COQ8B: variants seen among roughly 807,000 people sequenced by gnomAD.
COQ8B encodes the protein atypical kinase COQ8B, mitochondrial.
In COQ8B, 44 loss-of-function variants were observed where a neutral mutation model predicts 62.0. That is an observed-to-expected ratio of 0.71 (90% CI 0.56 to 0.91). The LOEUF is 0.91. COQ8B is among the 40% of genes least tolerant of loss of function. The pLI is 0.00. For missense variants in COQ8B, 649 were observed against 731.6 expected, an observed-to-expected ratio of 0.89 and a Z score of 1.30; for synonymous variants, 252 against 289.9, an observed-to-expected ratio of 0.87 and a Z score of 1.33.
chr19:40,703,985 T>C, intron 7 of COQ8B, 130 bp from the exon 8 acceptor site: 2 of 1,220,554 alleles, frequency 1.6e-6, no homozygotes, highest in Non-Finnish European at 2.2e-6. Flanking sequence ...TGCCACCCCC[T>C]TTGCAGATGA....
intron 13 of COQ8B, 24 bp from the exon 14 acceptor site, chr19:40,693,061 A>G (rs572512242): frequency 1.2e-6 from 2 of 1,606,684 alleles, no homozygotes; most frequent in African/African-American, 1.3e-5. Context: ...TGGGAGTTAG[A>G]GGGACAAAGG....
At position 40,697,851 on chromosome 19, in the gene COQ8B, T is replaced by TAGAG. The variant is rs1290386996; in HGVS notation, c.1144-1801_1144-1798dup. Among the ~76,000 whole-genome samples the TAGAG allele has an allele frequency of 3.8e-3, 210 of 54,702 alleles. 4 individuals carry two copies. Among genetic ancestry groups the TAGAG allele is most frequent in the Non-Finnish European group, 4.8e-3 (153 of 31,820 alleles). 35.9% of individuals were successfully genotyped at this position (54,702 alleles called of 152,430 possible). A position where few individuals can be genotyped will look rare whatever the true frequency, so the allele number is the denominator to read the frequency against. ...ATATATATATATATATATATATATA[T>TAGAG]AGAGAGAGAGAGAGAGAGAGAGAGA... On this transcript the variant is annotated intron_variant, in intron 12 of 14. Coordinates refer to ENST00000324464, the MANE Select transcript of COQ8B (RefSeq NM_024876.4).
At chr19:40,708,427 G>A (rs186890225) in intron 5 of COQ8B, among the ~76,000 whole-genome samples, 1 of 152,292 alleles carries the variant, frequency 6.6e-6, no homozygotes, top group Admixed American at 6.5e-5. Flanking sequence ...AAGTGTCTTT[G>A]TGGATTCTCT....
rs373855670 is a variant in COQ8B, at chr19:40,708,698, A to AGGGAGGATCACTTGAGGCT, written c.367+1342_367+1360dup. Among the ~76,000 whole-genome samples the AGGGAGGATCACTTGAGGCT allele has an allele frequency of 1.7e-3, 261 of 152,116 alleles. 1 individual carries two copies. The highest frequency in any genetic ancestry group is 5.9e-3 in the African/African-American group (243 of 41,512). Reference sequence around the variant, plus strand: ...ATCCCAGCACTTTGGGAGGCTGAGCAGGGAGGATCACTTGAGGCTAGGAGT... The same window carrying AGGGAGGATCACTTGAGGCT: ...ATCCCAGCACTTTGGGAGGCTGAGCAGGGAGGATCACTTGAGGCTGGGAGGATCACTTGAGGCTAGGAGT... On this transcript the variant is annotated intron_variant, in intron 5 of 14. Coordinates refer to ENST00000324464, the MANE Select transcript of COQ8B (RefSeq NM_024876.4).
rs546717955 is a variant in COQ8B at position 40,715,629 on chromosome 19, G to A, written c.-4+958C>T. The A allele has an allele frequency of 3.9e-5, 38 of 984,092 alleles. No individual in the cohort carries two copies. In the East Asian group the frequency reaches 3.5e-3, roughly 92 times the overall value. 61.0% of individuals were successfully genotyped at this position (984,092 alleles called of 1,614,324 possible). A position where few individuals can be genotyped will look rare whatever the true frequency, so the allele number is the denominator to read the frequency against. On this transcript the variant is annotated intron_variant, in intron 1 of 14. Coordinates refer to ENST00000324464, the MANE Select transcript of COQ8B (RefSeq NM_024876.4). ...TCCCGCTCACGCCTTCAACTCTCTCGTGTACATACCCTCCCCCCCACTTGC... is the reference window on the plus strand; with the variant it reads ...TCCCGCTCACGCCTTCAACTCTCTCATGTACATACCCTCCCCCCCACTTGC...
chr19:40,703,512 G>C, intron 9 of COQ8B, 29 bp downstream of exon 9: 1 of 1,577,074 alleles, frequency 6.3e-7, no homozygotes, highest in Non-Finnish European at 8.6e-7. Flanking sequence ...CCTTTGGGAG[G>C]TCAGCAGAGG....
rs928659607 is a variant in COQ8B, at chr19:40,702,355, A to G, written c.893+245T>C. 4.6e-5 allele frequency among the ~76,000 whole-genome samples: 7 copies of G among 152,284 alleles called. No homozygotes were observed. In the South Asian group the frequency reaches 1.5e-3, roughly 32 times the overall value. ...TAATTAAGTGCCTGTGTCGGACCAC[A>G]GTGGATATGCGGCCCATCTGACACA... On this transcript the variant is annotated intron_variant, in intron 10 of 14. Transcript: ENST00000324464.
chr19:40,692,714 C>T (rs904106655), intron 14 of COQ8B, among the ~76,000 whole-genome samples: 1 of 151,986 alleles, frequency 6.6e-6, no homozygotes, highest in African/African-American at 2.4e-5. Context: ...CCACCTCCCC[C>T]CACTCCTCCC....
At chr19:40,713,521 C>A (rs34633896) in intron 4 of COQ8B, among the ~76,000 whole-genome samples, 17,699 of 149,720 alleles carry the variant, frequency 0.12, 1,707 homozygotes, top group African/African-American at 0.27. Flanking sequence ...TGCACTCCAG[C>A]CTGGGTGACA....
intron 5 of COQ8B, among the ~76,000 whole-genome samples, chr19:40,709,817 G>A (rs1191198476): frequency 6.6e-6 from 1 of 152,002 alleles, no homozygotes; most frequent in African/African-American, 2.4e-5. Flanking sequence ...ACTCCAGCCT[G>A]AGCGACAGAG....
chr19:40,694,559 G>A (rs2081999028), intron 13 of COQ8B, among the ~76,000 whole-genome samples: 1 of 152,126 alleles, frequency 6.6e-6, no homozygotes, highest in African/African-American at 2.4e-5. Flanking sequence ...TCCCCATACG[G>A]GTAGCCCTGG....
Position 40,714,046 on chromosome 19 carries a change from AT to A in COQ8B, c.289+20del. The A allele has an allele frequency of 1.2e-6, 2 of 1,613,856 alleles. No individual in the cohort carries two copies. Among genetic ancestry groups the A allele is most frequent in the Non-Finnish European group, 1.7e-6 (2 of 1,179,842 alleles). On this transcript the variant is annotated intron_variant, in intron 4 of 14. Transcript: ENST00000324464. ...CCTTTCTAATTGAGGTCACACCAAG[AT>A]CCCCCAAAGTCACACCTACCCCCAA...
At chr19:40,694,634 G>A (rs2081999840) in intron 13 of COQ8B, among the ~76,000 whole-genome samples, 2 of 152,194 alleles carry the variant, frequency 1.3e-5, no homozygotes, top group South Asian at 4.1e-4. Context: ...ATCTGCACTT[G>A]CACAGGATCA....
At chr19:40,714,785 C>T (rs2144720943) in intron 1 of COQ8B, 150 bp from the exon 2 acceptor site, 1 of 1,324,344 alleles carries the variant, frequency 7.6e-7, no homozygotes, top group Non-Finnish European at 9.9e-7. Flanking sequence ...CCTGGTTCTC[C>T]CCTGGTTGCT....
intron 12 of COQ8B, among the ~76,000 whole-genome samples, chr19:40,697,382 G>C (rs879109712): frequency 6.6e-6 from 1 of 152,176 alleles, no homozygotes; most frequent in Admixed American, 6.5e-5. Context: ...CCAAAGTGCA[G>C]AGATTACATT....
At position 40,700,423 on chromosome 19, in the gene COQ8B, GGAA is replaced by G; in HGVS notation, c.919_921del (p.Phe307del). On this transcript the variant is annotated inframe_deletion, in exon 11 of 15. Transcript: ENST00000324464. The stretch of plus-strand genomic sequence containing the variant: ...AGCTCCTTAACCACGGCTGGGACCC[GGAA>G]GAAGGGGTCATTTGCCAGCAGCTGC... The G allele has an allele frequency of 6.2e-7, 1 of 1,613,856 alleles. No individual in the cohort carries two copies. The highest frequency in any genetic ancestry group is 8.5e-7 in the Non-Finnish European group (1 of 1,179,940).
In COQ8B at chr19:40,692,295, A is replaced by C. The variant is rs747478366; in HGVS notation, c.1375T>G (p.Ser459Ala). 2 of 1,613,420 alleles carry C rather than the reference A, an allele frequency of 1.2e-6. No homozygotes were observed. The highest frequency in any genetic ancestry group is 2.7e-5 in the African/African-American group (2 of 74,814). ...TGTATGCGGCGGGCCGTTTCCCCCG[A>C]CCCAAAGTCATAAGGGCCCTGGGTG... ...FATQGPYDFG[S>A]GETARRIQDL... Residue 459 changes from serine (S) to alanine (A), a missense_variant, in exon 15 of 15, where the codon TCG (serine) becomes GCG (alanine). Ser to Ala is a moderately conservative substitution (Grantham distance 99). Transcript: ENST00000324464.
chr19:40,702,621 G>A lies in COQ8B; in HGVS notation c.872C>T (p.Ala291Val), dbSNP rs138255798. 4.8e-5 allele frequency: 77 copies of A among 1,612,764 alleles called. 1 individual carries two copies. The African/African-American group carries it at 6.8e-4, about 14-fold the overall frequency. ...LAWECDYRREAACAQNFRQLL... is the reference protein window; with the variant it reads ...LAWECDYRREVACAQNFRQLL... ...TCACCTGAAATTCTGGGCACAAGCC[G>A]CCTCACGACGGTAGTCACACTCCCA... Residue 291 changes from alanine (A) to valine (V), a missense_variant, in exon 10 of 15, where the codon GCG (alanine) becomes GTG (valine). Physicochemically the swap from Ala to Val is moderately conservative, Grantham distance 64. Coordinates refer to ENST00000324464, the MANE Select transcript of COQ8B (RefSeq NM_024876.4).
chr19:40,693,960 G>A (rs770948845), intron 13 of COQ8B, among the ~76,000 whole-genome samples: 5 of 152,090 alleles, frequency 3.3e-5, no homozygotes, highest in Non-Finnish European at 4.4e-5. Context: ...CCCCCTGCCC[G>A]AGCATGTCTG....
Sources: gnomAD v4.1 joint callset for allele counts (sites outside exome capture counted in the v4.1 genomes callset) on GRCh38, gnomAD v4.1.1 for gene constraint, MANE v1.5 for transcripts, NCBI Gene and HGNC (gene_info 2026-07-23, HGNC 2026-07-21) for gene names.